Variants in GHRH observed in about 807,000 individuals in gnomAD.
GHRH encodes the protein growth hormone releasing hormone, also known as somatoliberin.
Under a neutral mutation model 15.6 loss-of-function variants are expected in GHRH, and 7 were observed. The observed-to-expected ratio is 0.45, with a 90% confidence interval of 0.26 to 0.84. The LOEUF is 0.84. Among genes scored for constraint, GHRH ranks in the 40% least tolerant of loss-of-function variants. The pLI, the probability that GHRH is intolerant of heterozygous loss-of-function variation, is 0.18. For synonymous variants in GHRH, 54 were observed against 50.4 expected, an observed-to-expected ratio of 1.07 and a Z score of -0.30; for missense variants, 117 against 138.0, an observed-to-expected ratio of 0.85 and a Z score of 0.76.
At chr20:37,252,895 C>T (rs1315300066) in intron 4 of GHRH, among the ~76,000 whole-genome samples, 1 of 152,154 alleles carries the variant, frequency 6.6e-6, no homozygotes, top group Admixed American at 6.5e-5. Context: ...AAAAATCAGC[C>T]AGGCATGGTG....
chr20:37,255,941 G>A (rs1028497115), intron 3 of GHRH, among the ~76,000 whole-genome samples: 5 of 151,936 alleles, frequency 3.3e-5, no homozygotes, highest in African/African-American at 4.8e-5. Flanking sequence ...TGGGAGGGTC[G>A]CTTGAGTCCA....
Position 37,251,144 on chromosome 20 carries a change from A to T in GHRH, c.*69T>A. 1 of 1,118,216 alleles carries T rather than the reference A, an allele frequency of 8.9e-7. No individual in the cohort carries two copies. The highest frequency in any genetic ancestry group is 1.3e-6 in the Non-Finnish European group (1 of 767,698). The allele number at this position is 1,118,216 out of a possible 1,614,324, so 69.3% of individuals were successfully genotyped here. ...GTATTTTCAAAGGAAAAAGTGGGTC[A>T]GAAATGAGAGGATTAACTGGATCCA... On this transcript the variant is annotated 3_prime_UTR_variant, in exon 5 of 5. Coordinates refer to ENST00000373614, the MANE Select transcript of GHRH (RefSeq NM_021081.6).
chr20:37,256,493 C>T lies in GHRH; in HGVS notation c.89G>A (p.Arg30Gln), dbSNP rs778720800. The stretch of plus-strand genomic sequence containing the variant: ...GGTGAAGATGGCATCTGCATACCGC[C>T]GCATCCTGTGCGGAAGGAGTCAGGG... Reference protein sequence around the residue: ...SPPPPLTLRMRRYADAIFTNS... With the variant: ...SPPPPLTLRMQRYADAIFTNS... Residue 30 changes from arginine to glutamine, a missense_variant, in exon 3 of 5, where the codon CGG (arginine) becomes CAG (glutamine). Coordinates refer to ENST00000373614, the MANE Select transcript of GHRH (RefSeq NM_021081.6). The T allele has an allele frequency of 1.5e-5, 24 of 1,609,722 alleles. No homozygotes were observed. Among genetic ancestry groups the T allele is most frequent in the African/African-American group, 5.3e-5 (4 of 74,868 alleles).
chr20:37,257,153 C>A (rs568663172), intron 1 of GHRH, among the ~76,000 whole-genome samples: 14 of 152,338 alleles, frequency 9.2e-5, no homozygotes, highest in African/African-American at 3.1e-4. Flanking sequence ...GCTCCCCTGC[C>A]AACCACATAG....
intron 4 of GHRH, among the ~76,000 whole-genome samples, chr20:37,252,625 G>A (rs574192004): frequency 2.7e-4 from 41 of 151,602 alleles, no homozygotes; most frequent in Admixed American, 1.6e-3. Context: ...AAAATTAGCC[G>A]GGCGTGGTGG....
Position 37,256,498 on chromosome 20 carries a change from C to G in GHRH, c.84G>C (p.Arg28Ser). ...HCSPPPPLTL[R>S]MRRYADAIFT... ...AGATGGCATCTGCATACCGCCGCAT[C>G]CTGTGCGGAAGGAGTCAGGGGTCAG... Residue 28 changes from arginine to serine, a missense_variant and splice_region_variant, in exon 3 of 5, where the codon AGG (arginine) becomes AGC (serine). Physicochemically the swap from Arg to Ser is moderately radical, Grantham distance 110. Coordinates refer to ENST00000373614, the MANE Select transcript of GHRH (RefSeq NM_021081.6). The G allele has an allele frequency of 1.2e-6, 2 of 1,606,818 alleles. No homozygotes were observed. The highest frequency in any genetic ancestry group is 1.7e-6 in the Non-Finnish European group (2 of 1,174,544).
At chr20:37,253,377 A>G (rs1039330751) in intron 4 of GHRH, among the ~76,000 whole-genome samples, 2 of 152,192 alleles carry the variant, frequency 1.3e-5, no homozygotes, top group Admixed American at 1.3e-4. Context: ...TGAACTTGGC[A>G]AGGGAACCAG....
intron 1 of GHRH, among the ~76,000 whole-genome samples, chr20:37,261,245 A>G (rs962555040): frequency 6.6e-6 from 1 of 152,216 alleles, no homozygotes. Context: ...AAGGCAGATA[A>G]TTGTGTCTAA....
chr20:37,251,827 C>T (rs993594382), intron 4 of GHRH, among the ~76,000 whole-genome samples: 5 of 152,192 alleles, frequency 3.3e-5, no homozygotes, highest in Admixed American at 3.3e-4. Context: ...CTACTCTGCA[C>T]TCTAAAGCAG....
At position 37,256,820 on chromosome 20, in the gene GHRH, G is replaced by T. The variant is rs368337505; in HGVS notation, c.70C>A (p.Pro24Thr). The T allele has an allele frequency of 1.1e-4, 182 of 1,612,512 alleles. No homozygotes were observed. Among genetic ancestry groups the T allele is most frequent in the Non-Finnish European group, 1.5e-4 (175 of 1,179,340 alleles). ...GGGTCTGCTTACCTGAGGGTCAAAG[G>T]GGGAGGTGGGGAGCAGTGGGAGCTG... is the stretch of plus-strand genomic sequence containing the variant. Reference protein sequence around the residue: ...SNSSHCSPPPPLTLRMRRYAD... With the variant: ...SNSSHCSPPPTLTLRMRRYAD... Residue 24 changes from proline (P) to threonine (T), a missense_variant, in exon 2 of 5, where the codon CCT becomes ACT. Transcript: ENST00000373614.
At chr20:37,252,959 G>A (rs965838259) in intron 4 of GHRH, among the ~76,000 whole-genome samples, 2 of 152,206 alleles carry the variant, frequency 1.3e-5, no homozygotes, top group African/African-American at 4.8e-5. Flanking sequence ...TTGAACCCTG[G>A]AGGCAGAGGC....
At chr20:37,257,743 C>T (rs1367877035) in intron 1 of GHRH, among the ~76,000 whole-genome samples, 1 of 152,186 alleles carries the variant, frequency 6.6e-6, no homozygotes, top group Admixed American at 6.5e-5. Context: ...CTTCACCTCT[C>T]TGAGCCTTAT....
chr20:37,261,445 C>CG (rs1183577908), intron 1 of GHRH, among the ~76,000 whole-genome samples: 2 of 152,198 alleles, frequency 1.3e-5, no homozygotes, highest in African/African-American at 2.4e-5. Context: ...CGTTTGCCCC[C>CG]GAAGCCTGCC....
In GHRH at chr20:37,258,967, C is replaced by T. The variant is rs150171826; in HGVS notation, c.-19-2059G>A. 1.2e-3 allele frequency among the ~76,000 whole-genome samples: 185 copies of T among 152,216 alleles called. No individual in the cohort carries two copies. Among genetic ancestry groups the T allele is most frequent in the African/African-American group, 3.9e-3 (160 of 41,538 alleles). ...ATTGCCGAGGCTGGTTTCAAACCCC[C>T]GGGCTTAAGTGATCCCCCCGCCTCA... On this transcript the variant is annotated intron_variant, in intron 1 of 4. Transcript: ENST00000373614. This position sits in a 1 kb window ranked among gnomAD's most constrained non-coding sequence, Gnocchi z 4.1.
At chr20:37,261,465 T>C (rs2068686743) in intron 1 of GHRH, among the ~76,000 whole-genome samples, 1 of 152,156 alleles carries the variant, frequency 6.6e-6, no homozygotes, top group African/African-American at 2.4e-5. Flanking sequence ...CCACGCATCC[T>C]CGAAGGAGCA....
chr20:37,256,110 T>G (rs1353275063), intron 3 of GHRH, among the ~76,000 whole-genome samples: 1 of 152,212 alleles, frequency 6.6e-6, no homozygotes, highest in Non-Finnish European at 1.5e-5. Flanking sequence ...GCCAAGTGTC[T>G]GTAAATGTCC....
In GHRH at chr20:37,258,619, A is replaced by G. The variant is rs549227304; in HGVS notation, c.-19-1711T>C. Among the ~76,000 whole-genome samples the G allele has an allele frequency of 6.6e-6, 1 of 152,268 alleles. No homozygotes were observed. The highest frequency in any genetic ancestry group is 2.4e-5 in the African/African-American group (1 of 41,530). Reference sequence around the variant, plus strand: ...AGTGGTCAGCCCCTCCCTCCATGACATGAGCATCCCCACAACACGCACACT... The same window carrying G: ...AGTGGTCAGCCCCTCCCTCCATGACGTGAGCATCCCCACAACACGCACACT... On this transcript the variant is annotated intron_variant, in intron 1 of 4. Coordinates refer to ENST00000373614, the MANE Select transcript of GHRH (RefSeq NM_021081.6). The surrounding 1 kb of genome is among the most constrained non-coding windows in gnomAD (Gnocchi z 4.1).
At chr20:37,259,058 A>G (rs949034666) in intron 1 of GHRH, among the ~76,000 whole-genome samples, 1 of 152,176 alleles carries the variant, frequency 6.6e-6, no homozygotes, top group Non-Finnish European at 1.5e-5. Context: ...TCTTATTGTT[A>G]GGAAGTTTGT....
intron 1 of GHRH, among the ~76,000 whole-genome samples, chr20:37,257,853 G>C (rs972609496): frequency 2.0e-5 from 3 of 152,228 alleles, no homozygotes; most frequent in African/African-American, 7.2e-5. Context: ...GAATTCTCTA[G>C]AAACCTTTGC....
Sources: allele counts gnomAD v4.1 joint callset (sites outside exome capture counted in the v4.1 genomes callset), GRCh38; gene constraint gnomAD v4.1.1; non-coding constraint Gnocchi (gnomAD v3.1); transcripts MANE v1.5; gene names NCBI Gene and HGNC (gene_info 2026-07-23, HGNC 2026-07-21).